Variants in RBFOX1 observed in about 807,000 individuals in gnomAD.
The protein encoded by RBFOX1 is RNA binding fox-1 homolog 1, also known as RNA binding protein fox-1 homolog 1.
Under a neutral mutation model 57.7 loss-of-function variants are expected in RBFOX1, and 8 were observed. That is an observed-to-expected ratio of 0.14 (90% confidence interval 0.08 to 0.25). RBFOX1 has a LOEUF of 0.25. Ranked by LOEUF, RBFOX1 falls within the 10% of genes least tolerant of loss-of-function variation. The pLI is 1.00. For synonymous variants in RBFOX1, 326 were observed against 222.4 expected (o/e 1.47, Z -4.15); for missense variants, 611 against 548.5 (o/e 1.11, Z -1.14).
intron 3 of RBFOX1, among the ~76,000 whole-genome samples, chr16:6,854,761 A>C (rs2057504803): frequency 6.6e-6 from 1 of 151,426 alleles, no homozygotes; most frequent in African/African-American, 2.4e-5. Flanking sequence ...CGCCCGGCTA[A>C]TTTTTTGTAT....
rs188491901 is a variant in RBFOX1, at chr16:6,022,364, C to T, written c.-127+2372C>T. The stretch of plus-strand genomic sequence containing the variant: ...TTTATCATTCCTCCTGGGATTCACA[C>T]ATTGCAATTAGTATGTTTAGATATA... On this transcript the variant is annotated intron_variant, in intron 1 of 15. Transcript: ENST00000550418. 2.2e-4 allele frequency among the ~76,000 whole-genome samples: 34 copies of T among 152,120 alleles called. No homozygotes were observed. The East Asian group carries it at 4.8e-3, about 22-fold the overall frequency.
intron 4 of RBFOX1, among the ~76,000 whole-genome samples, chr16:7,109,260 G>C (rs769318678): frequency 2.0e-5 from 3 of 152,132 alleles, no homozygotes; most frequent in Non-Finnish European, 4.4e-5. Context: ...TATATTATTG[G>C]ATGCAAACGT....
chr16:5,408,525 C>T (rs971209298), intron 1 of RBFOX1, among the ~76,000 whole-genome samples: 1 of 152,204 alleles, frequency 6.6e-6, no homozygotes, highest in African/African-American at 2.4e-5. Context: ...TGAGGGATCT[C>T]TCTTTCTCCT....
At chr16:6,050,861 C>T (rs1263026127) in intron 1 of RBFOX1, among the ~76,000 whole-genome samples, 3 of 151,550 alleles carry the variant, frequency 2.0e-5, no homozygotes, top group Non-Finnish European at 4.4e-5. Context: ...ACTACAAATG[C>T]AGGGATGGAA....
chr16:6,820,738 C>A (rs918333856), intron 3 of RBFOX1, among the ~76,000 whole-genome samples: 15 of 151,974 alleles, frequency 9.9e-5, no homozygotes, highest in Non-Finnish European at 1.9e-4. Flanking sequence ...TTTTTAAGAG[C>A]CTCTATAGGC....
intron 2 of RBFOX1, among the ~76,000 whole-genome samples, chr16:6,366,139 C>G (rs562566055): frequency 5.8e-4 from 87 of 150,758 alleles, no homozygotes; most frequent in Non-Finnish European, 1.0e-3. Flanking sequence ...CTGCCTGTAT[C>G]TATGTCTGTA....
chr16:7,080,365 C>T (rs115009863), intron 4 of RBFOX1, among the ~76,000 whole-genome samples: 1,524 of 152,244 alleles, frequency 0.01, 28 homozygotes, highest in African/African-American at 0.035. Context: ...CTTCGGCTTC[C>T]TAAATCCTAG....
rs999763376 is a variant in RBFOX1, at chr16:7,385,597, G to C, written c.28-132550G>C. 2.6e-5 allele frequency among the ~76,000 whole-genome samples: 4 copies of C among 152,306 alleles called. No homozygotes were observed. In the East Asian group the frequency reaches 7.7e-4, roughly 29 times the overall value. Reference sequence around the variant, plus strand: ...TGGTTATTTGCCAAGATGGAAGATAGATTAGGTGGTGGTCATCTCATTTGG... The same window carrying C: ...TGGTTATTTGCCAAGATGGAAGATACATTAGGTGGTGGTCATCTCATTTGG... On this transcript the variant is annotated intron_variant, in intron 4 of 15. Coordinates refer to ENST00000550418, the MANE Select transcript of RBFOX1 (RefSeq NM_018723.4).
intron 1 of RBFOX1, among the ~76,000 whole-genome samples, chr16:6,183,495 T>TAAATAAATAAATAAAA (rs2097082368): frequency 7.0e-6 from 1 of 142,440 alleles, no homozygotes; most frequent in East Asian, 2.0e-4. Flanking sequence ...ATTAAATAAA[T>TAAATAAATAAATAAAA]AAATAAATAA....
At chr16:6,877,522 C>A (rs1252166972) in intron 3 of RBFOX1, among the ~76,000 whole-genome samples, 1 of 152,088 alleles carries the variant, frequency 6.6e-6, no homozygotes, top group Non-Finnish European at 1.5e-5. Context: ...AAAAGAGCAT[C>A]GACTCTCAGT....
intron 12 of RBFOX1, among the ~76,000 whole-genome samples, chr16:7,663,526 T>TGTGC (rs1451935319): frequency 6.6e-6 from 1 of 151,346 alleles, no homozygotes; most frequent in East Asian, 1.9e-4. Flanking sequence ...TGTGTGTGTG[T>TGTGC]GTGTGTTGTA....
chr16:7,380,731 T>G (rs188723845), intron 4 of RBFOX1, among the ~76,000 whole-genome samples: 1 of 152,064 alleles, frequency 6.6e-6, no homozygotes. Flanking sequence ...GAATATTCCA[T>G]GGCTATAGCC....
At chr16:7,644,071 A>C (rs2063308777) in intron 11 of RBFOX1, among the ~76,000 whole-genome samples, 1 of 152,166 alleles carries the variant, frequency 6.6e-6, no homozygotes, top group South Asian at 2.1e-4. Flanking sequence ...AGTCTCTAAG[A>C]AGCAGAGAGA....
In RBFOX1 at chr16:6,346,200, A is replaced by G. The variant is rs1015455883; in HGVS notation, c.-64+29143A>G. 2.6e-5 allele frequency among the ~76,000 whole-genome samples: 4 copies of G among 152,274 alleles called. No homozygotes were observed. The South Asian group carries it at 8.3e-4, about 32-fold the overall frequency. ...TCCTTTCCAACACATATGCAAGTGA[A>G]TACTTATTATATATAGTGCCAATAA... is the stretch of plus-strand genomic sequence containing the variant. On this transcript the variant is annotated intron_variant, in intron 2 of 15. Coordinates refer to ENST00000550418, the MANE Select transcript of RBFOX1 (RefSeq NM_018723.4).
At chr16:6,896,470 G>C (rs1457182233) in intron 3 of RBFOX1, among the ~76,000 whole-genome samples, 1 of 151,914 alleles carries the variant, frequency 6.6e-6, no homozygotes, top group Admixed American at 6.6e-5. Context: ...ATGTACATGA[G>C]TTCAATTGTT....
At chr16:7,189,021 T>C (rs9932233) in intron 4 of RBFOX1, among the ~76,000 whole-genome samples, 13,102 of 152,100 alleles carry the variant, frequency 0.086, 943 homozygotes, top group African/African-American at 0.2. Flanking sequence ...GTCAAGACCT[T>C]AAGGCATTTG....
At chr16:6,109,420 C>T (rs769836133) in intron 1 of RBFOX1, among the ~76,000 whole-genome samples, 3 of 152,146 alleles carry the variant, frequency 2.0e-5, no homozygotes, top group East Asian at 1.9e-4. Flanking sequence ...TCTTCTTATT[C>T]CCTGAAAAGC....
At chr16:7,637,798 G>C (rs1407792903) in intron 11 of RBFOX1, among the ~76,000 whole-genome samples, 2 of 152,204 alleles carry the variant, frequency 1.3e-5, no homozygotes, top group East Asian at 3.9e-4. Flanking sequence ...TCCGGGACTA[G>C]GGTAAGCAAG....
chr16:6,154,287 C>G (rs1485718108), intron 1 of RBFOX1, among the ~76,000 whole-genome samples: 3 of 152,148 alleles, frequency 2.0e-5, no homozygotes, highest in Non-Finnish European at 2.9e-5. Flanking sequence ...AAGGTAATGG[C>G]AAAGATTGCA....
Sources: allele counts gnomAD v4.1 joint callset (sites outside exome capture counted in the v4.1 genomes callset), GRCh38; gene constraint gnomAD v4.1.1; transcripts MANE v1.5; gene names NCBI Gene and HGNC (gene_info 2026-07-23, HGNC 2026-07-21).